Variants in MVB12B observed in about 807,000 individuals in gnomAD.
MVB12B encodes ESCRT-I complex subunit MVB12B.
Under a neutral mutation model 41.6 loss-of-function variants are expected in MVB12B, and 16 were observed. That is an observed-to-expected ratio of 0.38 (90% CI 0.26 to 0.58). The LOEUF is 0.58. MVB12B is among the 20% of genes least tolerant of loss of function. The probability of loss-of-function intolerance (pLI) is 0.62; values close to 1 mark genes in which losing one functional copy is unlikely to be tolerated. For synonymous variants in MVB12B, 133 were observed against 139.7 expected, an observed-to-expected ratio of 0.95 and a Z score of 0.34; for missense variants, 274 against 380.2, an observed-to-expected ratio of 0.72 and a Z score of 2.32.
chr9:126,380,663 C>T (rs1830608487), intron 2 of MVB12B, among the ~76,000 whole-genome samples: 1 of 152,192 alleles, frequency 6.6e-6, no homozygotes, highest in African/African-American at 2.4e-5. Flanking sequence ...GTCACCCTCG[C>T]CGCAGGCAGC....
intron 7 of MVB12B, among the ~76,000 whole-genome samples, chr9:126,477,088 T>G (rs1179391906): frequency 6.6e-6 from 1 of 152,118 alleles, no homozygotes; most frequent in African/African-American, 2.4e-5. Flanking sequence ...CACTGGCATC[T>G]GCTTCTCGGG....
At chr9:126,455,908 T>TTTTTC (rs1832973662) in intron 7 of MVB12B, among the ~76,000 whole-genome samples, 1 of 122,090 alleles carries the variant, frequency 8.2e-6, no homozygotes, top group African/African-American at 2.9e-5. Context: ...TTTTTTTTTT[T>TTTTTC]GAGACGGAGT....
intron 9 of MVB12B, among the ~76,000 whole-genome samples, chr9:126,498,382 T>C (rs940813729): frequency 6.6e-6 from 1 of 152,118 alleles, no homozygotes; most frequent in Non-Finnish European, 1.5e-5. Context: ...TCAGTGTCTG[T>C]CCACCCCTGC....
intron 2 of MVB12B, among the ~76,000 whole-genome samples, chr9:126,361,211 A>G (rs1261610225): frequency 6.6e-6 from 1 of 151,594 alleles, no homozygotes; most frequent in East Asian, 1.9e-4. Flanking sequence ...TTGGCTTACC[A>G]GTTCTATTTC....
At chr9:126,327,419 G>A (rs1030228503) in intron 1 of MVB12B, 25 of 762,506 alleles carry the variant, frequency 3.3e-5, no homozygotes, top group Non-Finnish European at 4.0e-5. Flanking sequence ...TGGTCACGTG[G>A]GTGCAGACCA....
intron 9 of MVB12B, among the ~76,000 whole-genome samples, chr9:126,494,021 G>A (rs1455285806): frequency 2.0e-5 from 3 of 152,046 alleles, no homozygotes; most frequent in Non-Finnish European, 4.4e-5. Flanking sequence ...TATGTCATCC[G>A]TATTTTAAAT....
intron 7 of MVB12B, among the ~76,000 whole-genome samples, chr9:126,445,711 G>T (rs2119148648): frequency 6.6e-6 from 1 of 152,032 alleles, no homozygotes; most frequent in South Asian, 2.1e-4. Flanking sequence ...GGCCAGGGTG[G>T]TCTCAAACTC....
chr9:126,367,657 A>G lies in MVB12B; in HGVS notation c.205-13407A>G, dbSNP rs1231962374. On this transcript the variant is annotated intron_variant, in intron 2 of 9. Coordinates refer to ENST00000361171, the MANE Select transcript of MVB12B (RefSeq NM_033446.3). This position sits in a 1 kb window ranked among gnomAD's most constrained non-coding sequence, Gnocchi z 4.3. ...GAGGTGATTCTGTCTTACACTTCTG[A>G]TGACACCAAATATCCATACTGTGTC... Among the ~76,000 whole-genome samples the G allele has an allele frequency of 6.6e-6, 1 of 152,150 alleles. No homozygotes were observed. Among genetic ancestry groups the G allele is most frequent in the African/African-American group, 2.4e-5 (1 of 41,428 alleles).
At chr9:126,438,898 T>C (rs1246283277) in intron 7 of MVB12B, among the ~76,000 whole-genome samples, 1 of 152,128 alleles carries the variant, frequency 6.6e-6, no homozygotes, top group Non-Finnish European at 1.5e-5. Flanking sequence ...TCTTTCTATT[T>C]TAAGTAGAGT....
intron 6 of MVB12B, among the ~76,000 whole-genome samples, chr9:126,417,150 A>T (rs1016147130): frequency 6.6e-6 from 1 of 152,176 alleles, no homozygotes; most frequent in Admixed American, 6.5e-5. Flanking sequence ...TTCTCCCTAA[A>T]GCTTTCTCTG....
At position 126,486,021 on chromosome 9, in the gene MVB12B, G is replaced by A. The variant is rs527469042; in HGVS notation, c.873+1989G>A. On this transcript the variant is annotated intron_variant, in intron 9 of 9. Transcript: ENST00000361171. This position sits in a 1 kb window ranked among gnomAD's most constrained non-coding sequence, Gnocchi z 4.7. ...CTTGTGTACCCAGCTAGCAGAAGCC[G>A]GCTGCATTATTGAAAGATGGCTGAA... 7.2e-5 allele frequency among the ~76,000 whole-genome samples: 11 copies of A among 151,882 alleles called. No individual in the cohort carries two copies. The highest frequency in any genetic ancestry group is 9.7e-5 in the African/African-American group (4 of 41,220).
rs1333615956 is a variant in MVB12B at position 126,376,555 on chromosome 9, C to T, written c.205-4509C>T. The T allele has an allele frequency of 7.8e-7, 1 of 1,289,338 alleles. No individual in the cohort carries two copies. 79.9% of individuals were successfully genotyped at this position (1,289,338 alleles called of 1,614,324 possible). A position where few individuals can be genotyped will look rare whatever the true frequency, so the allele number is the denominator to read the frequency against. On this transcript the variant is annotated intron_variant, in intron 2 of 9. Coordinates refer to ENST00000361171, the MANE Select transcript of MVB12B (RefSeq NM_033446.3). This position sits in a 1 kb window ranked among gnomAD's most constrained non-coding sequence, Gnocchi z 4.1. ...AGCTGGCTCAGATCGTGGGCTGGTC[C>T]ACCCTGGCGCTTTCCAGAGACAAAG...
intron 2 of MVB12B, among the ~76,000 whole-genome samples, chr9:126,363,242 C>T (rs1034020887): frequency 3.3e-5 from 5 of 152,116 alleles, no homozygotes; most frequent in African/African-American, 1.2e-4. Context: ...ATTCAACAAC[C>T]TCATTGAATT....
chr9:126,404,528 A>G (rs1289459017), intron 6 of MVB12B, among the ~76,000 whole-genome samples: 2 of 152,224 alleles, frequency 1.3e-5, no homozygotes, highest in African/African-American at 4.8e-5. Context: ...TGGCCCCGCC[A>G]TCTTCCTGTG....
chr9:126,404,250 C>T (rs901811678), intron 6 of MVB12B, among the ~76,000 whole-genome samples: 13 of 152,260 alleles, frequency 8.5e-5, no homozygotes, highest in South Asian at 8.3e-4. Flanking sequence ...CCACCACACC[C>T]GGCCAACTCG....
chr9:126,478,394 TGAGCCCCCAGG>T lies in MVB12B; in HGVS notation c.758-2974_758-2964del, dbSNP rs1833460453. ...AGCCCTCCCTGTCCAGCACAGCCCCTGAGCCCCCAGGCCCTGCCCCTGGGCTGGGGACCTGG... is the reference window on the plus strand; with the variant it reads ...AGCCCTCCCTGTCCAGCACAGCCCCTCCCTGCCCCTGGGCTGGGGACCTGG... On this transcript the variant is annotated intron_variant, in intron 7 of 9. Coordinates refer to ENST00000361171, the MANE Select transcript of MVB12B (RefSeq NM_033446.3). This position sits in a 1 kb window ranked among gnomAD's most constrained non-coding sequence, Gnocchi z 4.2. Among the ~76,000 whole-genome samples the T allele has an allele frequency of 6.6e-6, 1 of 152,108 alleles. No individual in the cohort carries two copies. The highest frequency in any genetic ancestry group is 1.5e-5 in the Non-Finnish European group (1 of 68,020).
chr9:126,463,179 C>T (rs1833125626), intron 7 of MVB12B, among the ~76,000 whole-genome samples: 1 of 152,132 alleles, frequency 6.6e-6, no homozygotes, highest in Non-Finnish European at 1.5e-5. Flanking sequence ...CTTGACAGTC[C>T]TGCTGGTTGG....
chr9:126,345,457 G>T (rs993992861), intron 2 of MVB12B, among the ~76,000 whole-genome samples: 1 of 152,262 alleles, frequency 6.6e-6, no homozygotes, highest in East Asian at 1.9e-4. Flanking sequence ...ATTCCCAGGC[G>T]TTAGTGGGCC....
intron 7 of MVB12B, among the ~76,000 whole-genome samples, chr9:126,463,134 GCTTTCAAGAGAAGCC>G (rs1833124519): frequency 6.6e-6 from 1 of 152,316 alleles, no homozygotes; most frequent in South Asian, 2.1e-4. Context: ...GGTGTGTGCT[GCTTTCAAGAGAAGCC>G]CTTTCCCAGG....
Sources: gnomAD v4.1 joint callset for allele counts (sites outside exome capture counted in the v4.1 genomes callset) on GRCh38, gnomAD v4.1.1 for gene constraint, Gnocchi (gnomAD v3.1) non-coding constraint, MANE v1.5 for transcripts, NCBI Gene and HGNC (gene_info 2026-07-23, HGNC 2026-07-21) for gene names.